HEATR4: variants seen among roughly 807,000 people sequenced by gnomAD.
The protein encoded by HEATR4 is HEAT repeat containing 4.
HEATR4 carries 95 observed loss-of-function variants against 108.8 expected under a neutral mutation model. The ratio of observed to expected loss-of-function variants is 0.87; its 90% CI spans 0.74 to 1.04. The LOEUF (loss-of-function observed/expected upper bound fraction) is 1.04. Among genes scored for constraint, HEATR4 ranks in the 50% least tolerant of loss-of-function variants. HEATR4 has a pLI of 0.00. For missense variants in HEATR4, 1,152 were observed against 1,253.8 expected, an observed-to-expected ratio of 0.92 and a Z score of 1.23; for synonymous variants, 443 against 459.4, an observed-to-expected ratio of 0.96 and a Z score of 0.46.
chr14:73,600,313 T>A, the HEATR4 span, among the ~76,000 whole-genome samples: 1 of 152,150 alleles, frequency 6.6e-6, no homozygotes, highest in Non-Finnish European at 1.5e-5. Flanking sequence ...TTATTTTCCA[T>A]AAGAAAATGA....
chr14:73,504,099 C>T (rs1175398930), intron 10 of HEATR4, among the ~76,000 whole-genome samples: 8 of 135,978 alleles, frequency 5.9e-5, no homozygotes, highest in Admixed American at 1.5e-4. Flanking sequence ...TTTTTTGAGA[C>T]GGAGTTTCAC....
In HEATR4 at chr14:73,543,005, G is replaced by A. The variant is rs1279842480; in HGVS notation, c.-151-12761C>T. 6.4e-6 allele frequency: 8 copies of A among 1,242,956 alleles called. 3 individuals carry two copies. The African/African-American group carries it at 9.8e-5, about 15-fold the overall frequency. The allele number at this position is 1,242,956 out of a possible 1,614,324, so 77.0% of individuals were successfully genotyped here. ...TGGGCACAACTCACCATATTCCACT[G>A]TTTGTGGAGCCATTCTTCTTCTTTT... On this transcript the variant is annotated intron_variant, in intron 1 of 17. Transcript: ENST00000553558.
intron 17 of HEATR4, among the ~76,000 whole-genome samples, chr14:73,479,657 C>G (rs1885169588): frequency 6.6e-6 from 1 of 151,264 alleles, no homozygotes; most frequent in African/African-American, 2.4e-5. Flanking sequence ...AGGCTGGTCT[C>G]GAACTCAGGT....
chr14:73,495,177 A>G, intron 16 of HEATR4, 51 bp downstream of exon 16: 1 of 1,523,796 alleles, frequency 6.6e-7, no homozygotes, highest in African/African-American at 1.4e-5. Context: ...AGATCCTGGA[A>G]GAGGCTTATT....
the HEATR4 span, chr14:73,592,036 T>C: frequency 3.4e-6 from 5 of 1,454,816 alleles, no homozygotes; most frequent in South Asian, 5.6e-5. Context: ...GTGCGCGGCC[T>C]GGCCCCGGAG....
At chr14:73,609,703 C>T in the HEATR4 span, among the ~76,000 whole-genome samples, 1 of 151,992 alleles carries the variant, frequency 6.6e-6, no homozygotes, top group Non-Finnish European at 1.5e-5. Context: ...TGCAGTGGTG[C>T]GATCTCGGCT....
chr14:73,555,343 C>T (rs1294441578), intron 1 of HEATR4, among the ~76,000 whole-genome samples: 1 of 111,710 alleles, frequency 9.0e-6, no homozygotes, highest in African/African-American at 2.9e-5. Context: ...ACTTTACAAG[C>T]AGAGAGTGGG....
chr14:73,615,114 G>T, the HEATR4 span, among the ~76,000 whole-genome samples: 1 of 150,472 alleles, frequency 6.6e-6, no homozygotes, highest in Non-Finnish European at 1.5e-5. Flanking sequence ...GCGGCCAGGC[G>T]CGGTGGCTCA....
At chr14:73,598,405 A>G in the HEATR4 span, among the ~76,000 whole-genome samples, 1 of 150,160 alleles carries the variant, frequency 6.7e-6, no homozygotes, top group South Asian at 2.1e-4. Flanking sequence ...AAAAAAAAAA[A>G]GAGAGAGATG....
In HEATR4 at chr14:73,554,027, A is replaced by T. The variant is rs991704105; in HGVS notation, c.-152+4724T>A. ...TCTGCTTTAATCTGTACACAAAAGA[A>T]TTAGCCAGCTGGGCATGGTGGCTTA... On this transcript the variant is annotated intron_variant, in intron 1 of 17. Coordinates refer to ENST00000553558, the MANE Select transcript of HEATR4 (RefSeq NM_001220484.1). Among the ~76,000 whole-genome samples, 3 of 115,408 alleles carry T rather than the reference A, an allele frequency of 2.6e-5. 1 individual carries two copies. Among genetic ancestry groups the T allele is most frequent in the African/African-American group, 8.4e-5 (3 of 35,798 alleles). 75.7% of individuals were successfully genotyped at this position (115,408 alleles called of 152,430 possible).
intron 5 of HEATR4, among the ~76,000 whole-genome samples, chr14:73,516,662 C>T (rs1595124320): frequency 6.6e-6 from 1 of 152,162 alleles, no homozygotes; most frequent in African/African-American, 2.4e-5. Flanking sequence ...TGGGCCTGTA[C>T]CAGTTCATGG....
At position 73,506,661 on chromosome 14, in the gene HEATR4, T is replaced by A. The variant is rs910595349; in HGVS notation, c.1882-90A>T. On this transcript the variant is annotated intron_variant, in intron 9 of 17. Coordinates refer to ENST00000553558, the MANE Select transcript of HEATR4 (RefSeq NM_001220484.1). ...TTACATTCTGAAATGGCATCCTGCA[T>A]AATTAATGTCACCAGTGGGCTTACA... The A allele has an allele frequency of 5.3e-6, 5 of 936,686 alleles. No individual in the cohort carries two copies. In the Admixed American group the frequency reaches 5.5e-5, roughly 10 times the overall value. 58.0% of individuals were successfully genotyped at this position (936,686 alleles called of 1,614,324 possible). A position where few individuals can be genotyped will look rare whatever the true frequency, so the allele number is the denominator to read the frequency against.
chr14:73,631,260 T>A, the HEATR4 span, among the ~76,000 whole-genome samples: 1 of 152,130 alleles, frequency 6.6e-6, no homozygotes, highest in African/African-American at 2.4e-5. Flanking sequence ...TGCGTTTTAA[T>A]TAAGATAGAA....
chr14:73,566,128 C>T, the HEATR4 span, among the ~76,000 whole-genome samples: 1 of 152,198 alleles, frequency 6.6e-6, no homozygotes, highest in African/African-American at 2.4e-5. Context: ...ATTCACAAAC[C>T]CTGAGCTAGA....
intron 17 of HEATR4, chr14:73,490,975 C>G: frequency 7.6e-7 from 1 of 1,317,136 alleles, no homozygotes; most frequent in Non-Finnish European, 9.7e-7. Context: ...GCTTTAGCTT[C>G]GCCCCCGGCC....
At chr14:73,632,137 AAAAAG>A in the HEATR4 span, 2 of 149,546 alleles carry the variant, frequency 1.3e-5, no homozygotes, top group African/African-American at 2.4e-5. Context: ...TTAAAAAAAA[AAAAAG>A]AAAAGGAAAT....
the HEATR4 span, chr14:73,569,391 A>G: frequency 2.5e-6 from 4 of 1,613,960 alleles, no homozygotes; most frequent in Non-Finnish European, 3.4e-6. Flanking sequence ...TCCACAGCTG[A>G]GGCAGGTTGG....
chr14:73,509,237 G>A (rs1887048053), intron 8 of HEATR4, 75 bp downstream of exon 8: 1 of 1,400,016 alleles, frequency 7.1e-7, no homozygotes, highest in Admixed American at 1.7e-5. Flanking sequence ...ACAGTGGAGA[G>A]GAAAGGACTG....
rs1309210093 is a variant in HEATR4 at position 73,556,575 on chromosome 14, G to A, written c.-152+2176C>T. Among the ~76,000 whole-genome samples, 2 of 114,620 alleles carry A rather than the reference G, an allele frequency of 1.7e-5. 1 individual carries two copies. The highest frequency in any genetic ancestry group is 5.6e-5 in the African/African-American group (2 of 35,528). 75.2% of individuals were successfully genotyped at this position (114,620 alleles called of 152,430 possible). A position where few individuals can be genotyped will look rare whatever the true frequency, so the allele number is the denominator to read the frequency against. ...CACAAGGTCTGATCAAAAGAGGCTTGTTCTGGCTTGTCTTTGTCTGTCTTG... is the reference window on the plus strand; with the variant it reads ...CACAAGGTCTGATCAAAAGAGGCTTATTCTGGCTTGTCTTTGTCTGTCTTG... On this transcript the variant is annotated intron_variant, in intron 1 of 17. Coordinates refer to ENST00000553558, the MANE Select transcript of HEATR4 (RefSeq NM_001220484.1).
Sources: allele counts gnomAD v4.1 joint callset (sites outside exome capture counted in the v4.1 genomes callset), GRCh38; gene constraint gnomAD v4.1.1; transcripts MANE v1.5; gene names NCBI Gene and HGNC (gene_info 2026-07-23, HGNC 2026-07-21).